Variants in GALNT13 observed in about 807,000 individuals in gnomAD.
GALNT13 encodes polypeptide N-acetylgalactosaminyltransferase 13.
Under a neutral mutation model 64.2 loss-of-function variants are expected in GALNT13, and 28 were observed. That is an observed-to-expected ratio of 0.44 (90% CI 0.32 to 0.60). The LOEUF is 0.60. Ranked by LOEUF, GALNT13 falls within the 20% of genes least tolerant of loss-of-function variation. GALNT13 has a pLI of 0.05. For missense variants in GALNT13, 577 were observed against 669.8 expected (o/e 0.86, Z 1.53); for synonymous variants, 214 against 224.6 (o/e 0.95, Z 0.42).
At chr2:153,788,154 G>C in the GALNT13 span, among the ~76,000 whole-genome samples, 4 of 151,878 alleles carry the variant, frequency 2.6e-5, no homozygotes, top group Non-Finnish European at 4.4e-5. Context: ...GATTCCCCAA[G>C]GTCAAAATGA....
chr2:153,668,036 A>T, the GALNT13 span, among the ~76,000 whole-genome samples: 1 of 152,190 alleles, frequency 6.6e-6, no homozygotes, highest in Non-Finnish European at 1.5e-5. Flanking sequence ...CTACATAATG[A>T]TAAAGGTCAT....
chr2:154,448,300 A>G (rs1701697685), intron 12 of GALNT13, among the ~76,000 whole-genome samples: 1 of 152,084 alleles, frequency 6.6e-6, no homozygotes, highest in Admixed American at 6.6e-5. Context: ...CTAGAAACAT[A>G]GTTAACATTT....
chr2:153,763,959 G>A, the GALNT13 span, among the ~76,000 whole-genome samples: 2 of 152,164 alleles, frequency 1.3e-5, no homozygotes, highest in African/African-American at 2.4e-5. Flanking sequence ...GAGACTTGGA[G>A]GGCTCAGAAG....
intron 9 of GALNT13, among the ~76,000 whole-genome samples, chr2:154,313,224 C>A (rs1044654846): frequency 6.8e-6 from 1 of 147,710 alleles, no homozygotes; most frequent in Non-Finnish European, 1.5e-5. Flanking sequence ...TACACACACA[C>A]TATATATATA....
chr2:153,192,526 G>A, the GALNT13 span, among the ~76,000 whole-genome samples: 93 of 152,210 alleles, frequency 6.1e-4, no homozygotes, highest in African/African-American at 2.1e-3. Context: ...GGTCTAAAGT[G>A]CAGTTTAAAT....
At chr2:154,168,546 G>T (rs1425549207) in intron 4 of GALNT13, among the ~76,000 whole-genome samples, 1 of 151,830 alleles carries the variant, frequency 6.6e-6, no homozygotes, top group South Asian at 2.1e-4. Flanking sequence ...TGTAAGGAAA[G>T]AGATTTGGCC....
At chr2:154,037,959 ACAAC>A (rs1698759636) in intron 3 of GALNT13, among the ~76,000 whole-genome samples, 1 of 152,096 alleles carries the variant, frequency 6.6e-6, no homozygotes, top group Admixed American at 6.6e-5. Context: ...TTCAAGACCC[ACAAC>A]ATAGCAAGGG....
At chr2:153,321,385 G>A in the GALNT13 span, among the ~76,000 whole-genome samples, 3 of 152,020 alleles carry the variant, frequency 2.0e-5, no homozygotes, top group Non-Finnish European at 4.4e-5. Flanking sequence ...GAATTATTTT[G>A]GCTTACTTTG....
At chr2:154,233,602 C>T (rs1174206768) in intron 4 of GALNT13, among the ~76,000 whole-genome samples, 1 of 152,144 alleles carries the variant, frequency 6.6e-6, no homozygotes, top group Non-Finnish European at 1.5e-5. Flanking sequence ...GAACAAATGG[C>T]ATGATCCATA....
chr2:153,972,087 A>G (rs1451704029), intron 3 of GALNT13, among the ~76,000 whole-genome samples: 3 of 152,122 alleles, frequency 2.0e-5, no homozygotes, highest in Admixed American at 6.6e-5. Context: ...GAACGAGACA[A>G]GGAAGGAGTT....
At chr2:153,528,984 A>T in the GALNT13 span, among the ~76,000 whole-genome samples, 3 of 151,972 alleles carry the variant, frequency 2.0e-5, no homozygotes, top group African/African-American at 7.2e-5. Context: ...AAAAACTTCA[A>T]ATAAAGAACC....
the GALNT13 span, among the ~76,000 whole-genome samples, chr2:153,608,377 CAATAAGATTAT>C: frequency 6.6e-6 from 1 of 151,840 alleles, no homozygotes; most frequent in South Asian, 2.1e-4. Context: ...GTTGAGAAAG[CAATAAGATTAT>C]GTGGCAACTT....
chr2:154,361,503 C>T (rs1202428245), intron 9 of GALNT13, among the ~76,000 whole-genome samples: 2 of 152,002 alleles, frequency 1.3e-5, no homozygotes, highest in African/African-American at 2.4e-5. Context: ...CCTAGCTCTC[C>T]TGCTTGCCAG....
rs575017245 is a variant in GALNT13 at position 154,145,463 on chromosome 2, G to A, written c.311+4958G>A. Reference sequence around the variant, plus strand: ...CATTTTGTTTGGCTTTTAACCTAAAGTCCTTTAGCATTTACTTGAATTCAG... The same window carrying A: ...CATTTTGTTTGGCTTTTAACCTAAAATCCTTTAGCATTTACTTGAATTCAG... On this transcript the variant is annotated intron_variant, in intron 4 of 12. Coordinates refer to ENST00000392825, the MANE Select transcript of GALNT13 (RefSeq NM_052917.4). 3.3e-5 allele frequency among the ~76,000 whole-genome samples: 5 copies of A among 151,994 alleles called. No homozygotes were observed. In the East Asian group the frequency reaches 9.7e-4, roughly 29 times the overall value.
chr2:154,217,692 A>G (rs1233981483), intron 4 of GALNT13, among the ~76,000 whole-genome samples: 1 of 152,202 alleles, frequency 6.6e-6, no homozygotes, highest in South Asian at 2.1e-4. Context: ...TGCAATGTTA[A>G]GATTAAAATA....
chr2:154,343,052 A>T (rs1297534295), intron 9 of GALNT13, among the ~76,000 whole-genome samples: 3 of 151,928 alleles, frequency 2.0e-5, no homozygotes, highest in African/African-American at 7.2e-5. Context: ...GAGAGGTCAA[A>T]ACATTATGAG....
At chr2:153,694,225 A>T in the GALNT13 span, among the ~76,000 whole-genome samples, 1 of 152,256 alleles carries the variant, frequency 6.6e-6, no homozygotes, top group African/African-American at 2.4e-5. Context: ...CGGCCTAGCG[A>T]GTTTGGGGTG....
At chr2:153,104,887 T>TTA in the GALNT13 span, among the ~76,000 whole-genome samples, 1 of 151,856 alleles carries the variant, frequency 6.6e-6, no homozygotes, top group African/African-American at 2.4e-5. Flanking sequence ...TTTTCTTTTT[T>TTA]TTATTATTAT....
the GALNT13 span, among the ~76,000 whole-genome samples, chr2:153,235,797 C>T: frequency 6.6e-6 from 1 of 152,154 alleles, no homozygotes; most frequent in African/African-American, 2.4e-5. Context: ...CCCTATCTAA[C>T]CAACCTCATA....
Sources: allele counts gnomAD v4.1 joint callset (sites outside exome capture counted in the v4.1 genomes callset), GRCh38; gene constraint gnomAD v4.1.1; transcripts MANE v1.5; gene names NCBI Gene and HGNC (gene_info 2026-07-23, HGNC 2026-07-21).